The following PKD1L1 variants were observed in gnomAD, a reference collection of about 807,000 sequenced individuals.
PKD1L1 encodes the protein polycystin 1 like 1, transient receptor potential channel interacting.
Under a neutral mutation model 323.4 loss-of-function variants are expected in PKD1L1, and 236 were observed. The ratio of observed to expected loss-of-function variants is 0.73; its 90% CI spans 0.66 to 0.81. The LOEUF (loss-of-function observed/expected upper bound fraction) is 0.81. Ranked by LOEUF, PKD1L1 falls within the 40% of genes least tolerant of loss-of-function variation. PKD1L1 has a pLI of 0.00. For synonymous variants in PKD1L1, 1,344 were observed against 1,335.0 expected (o/e 1.01, Z -0.15); for missense variants, 3,320 against 3,508.0 (o/e 0.95, Z 1.35).
Position 47,946,769 on chromosome 7 carries a change from T to C in PKD1L1, c.44+1628A>G, listed in dbSNP as rs1788105842. ...TTTCTATGAACAAGATCAGTCACTGTCTTGCTTTAGGTGACTCAGGAAACC... is the reference window on the plus strand; with the variant it reads ...TTTCTATGAACAAGATCAGTCACTGCCTTGCTTTAGGTGACTCAGGAAACC... On this transcript the variant is annotated intron_variant, in intron 1 of 56. Transcript: ENST00000289672. The surrounding 1 kb of genome is among the most constrained non-coding windows in gnomAD (Gnocchi z 4.1). Among the ~76,000 whole-genome samples, 1 of 152,188 alleles carries C rather than the reference T, an allele frequency of 6.6e-6. No individual in the cohort carries two copies. Among genetic ancestry groups the C allele is most frequent in the South Asian group, 2.1e-4 (1 of 4,828 alleles).
At chr7:47,948,557 T>C (rs1461006420), upstream of PKD1L1, 1 of 955,528 alleles carries the variant, frequency 1.0e-6, no homozygotes, top group Non-Finnish European at 1.6e-6. Flanking sequence ...TGACCTCTTA[T>C]CAGGACACAC....
chr7:47,943,162 A>AC (rs1788027891), intron 2 of PKD1L1, among the ~76,000 whole-genome samples: 1 of 22,632 alleles, frequency 4.4e-5, no homozygotes, highest in Admixed American at 5.3e-4. Context: ...AAAAAAAAAA[A>AC]AATATATATA....
upstream of PKD1L1, among the ~76,000 whole-genome samples, chr7:47,949,689 A>G (rs1237217147): frequency 1.3e-5 from 2 of 152,226 alleles, no homozygotes; most frequent in Non-Finnish European, 2.9e-5. Flanking sequence ...TGTTTTACTC[A>G]GAACACTAGA....
intron 14 of PKD1L1, among the ~76,000 whole-genome samples, chr7:47,896,456 G>A (rs974166006): frequency 6.6e-6 from 1 of 151,584 alleles, no homozygotes; most frequent in Admixed American, 6.6e-5. Context: ...AGGCATATCT[G>A]ACCTTGAGTC....
Position 47,878,044 on chromosome 7 carries a change from C to A in PKD1L1, c.3521-413G>T, listed in dbSNP as rs565397734. On this transcript the variant is annotated intron_variant, in intron 21 of 56. Coordinates refer to ENST00000289672, the MANE Select transcript of PKD1L1 (RefSeq NM_138295.5). ...TGAGGGAGAGATGATGCTAACAGACCCATTACCCAGCAGAGCAAACTTTCT... is the reference window on the plus strand; with the variant it reads ...TGAGGGAGAGATGATGCTAACAGACACATTACCCAGCAGAGCAAACTTTCT... Among the ~76,000 whole-genome samples, 16 of 152,030 alleles carry A rather than the reference C, an allele frequency of 1.1e-4. 1 individual carries two copies. Among genetic ancestry groups the A allele is most frequent in the East Asian group, 1.9e-4 (1 of 5,152 alleles).
At chr7:47,902,982 T>C (rs575848323) in intron 12 of PKD1L1, among the ~76,000 whole-genome samples, 85 of 152,162 alleles carry the variant, frequency 5.6e-4, no homozygotes, top group Non-Finnish European at 1.1e-3. Context: ...TTTCTTAGAG[T>C]CCTACAAACT....
rs1786790901 is a variant in PKD1L1, at chr7:47,890,598, G to A, written c.2619C>T (p.Gly873=). 6.2e-7 allele frequency: 1 copy of A among 1,614,044 alleles called. No individual in the cohort carries two copies. Among genetic ancestry groups the A allele is most frequent in the Non-Finnish European group, 8.5e-7 (1 of 1,180,042 alleles). The change falls in exon 16 of 57, where the codon GGC becomes GGT. Residue 873 remains glycine, a synonymous_variant. Coordinates refer to ENST00000289672, the MANE Select transcript of PKD1L1 (RefSeq NM_138295.5). ...FLVMLRVSSG[G]RNSSETRVFL... ...ACACCCGGGTCTCAGAAGAGTTCCG[G>A]CCACCACTGGAGACCCTCAGCATCA... is the stretch of plus-strand genomic sequence containing the variant.
chr7:47,878,544 A>G (rs1468105219), intron 21 of PKD1L1, among the ~76,000 whole-genome samples: 2 of 152,350 alleles, frequency 1.3e-5, no homozygotes, highest in Admixed American at 1.3e-4. Context: ...CTTATTTAAC[A>G]GTCACATTAA....
chr7:47,864,616 C>CTTTCTTTCT (rs1554404328), intron 26 of PKD1L1, among the ~76,000 whole-genome samples: 18 of 139,942 alleles, frequency 1.3e-4, no homozygotes, highest in Non-Finnish European at 1.9e-4. Flanking sequence ...TTCTTTCTTT[C>CTTTCTTTCT]TTTCTTTCTT....
chr7:47,799,886 G>A (rs1784623019), intron 54 of PKD1L1, among the ~76,000 whole-genome samples: 1 of 152,192 alleles, frequency 6.6e-6, no homozygotes, highest in South Asian at 2.1e-4. Flanking sequence ...GGGTCTGGCT[G>A]GGCAGAGCAG....
chr7:47,825,696 T>G (rs1460851802), intron 45 of PKD1L1, among the ~76,000 whole-genome samples: 2 of 152,182 alleles, frequency 1.3e-5, no homozygotes, highest in East Asian at 3.9e-4. Context: ...TTTTTGTGTC[T>G]GGATTTTAAG....
chr7:47,882,282 T>TTCCCTCCCTCCCTCCC, intron 19 of PKD1L1, among the ~76,000 whole-genome samples, 197 bp from the exon 20 acceptor site: 1 of 146,408 alleles, frequency 6.8e-6, no homozygotes, highest in East Asian at 2.0e-4. Flanking sequence ...CAAAGGCATC[T>TTCCCTCCCTCCCTCCC]TCCCTCCCTC....
chr7:47,776,999 C>T (rs1786582888), intron 56 of PKD1L1, among the ~76,000 whole-genome samples: 1 of 152,160 alleles, frequency 6.6e-6, no homozygotes, highest in African/African-American at 2.4e-5. Context: ...TCAATCAATT[C>T]TCCCGCCTCA....
chr7:47,952,723 T>C (rs1255680076), upstream of PKD1L1, among the ~76,000 whole-genome samples: 1 of 152,188 alleles, frequency 6.6e-6, no homozygotes, highest in Non-Finnish European at 1.5e-5. Context: ...CATGATTTTG[T>C]GAAAAATAGC....
At chr7:47,879,072 G>A (rs553100609) in intron 21 of PKD1L1, among the ~76,000 whole-genome samples, 40 of 152,346 alleles carry the variant, frequency 2.6e-4, no homozygotes, top group Admixed American at 4.6e-4. Context: ...AACGCTGCCC[G>A]TCTTGTATCC....
Position 47,835,261 on chromosome 7 carries a change from C to A in PKD1L1, c.5944-18G>T. On this transcript the variant is annotated intron_variant, in intron 37 of 56. Transcript: ENST00000289672. ...AAGTGGGGCTGCAACAAAGCAACAG[C>A]AGCCATTACATCAACTCAATATGAG... 6.6e-7 allele frequency: 1 copy of A among 1,519,154 alleles called. No individual in the cohort carries two copies. The highest frequency in any genetic ancestry group is 2.1e-5 in the Admixed American group (1 of 47,546). 94.1% of individuals were successfully genotyped at this position (1,519,154 alleles called of 1,614,324 possible).
rs138471503 is a variant in PKD1L1, at chr7:47,792,012, C to T, written c.8526+615G>A. Reference sequence around the variant, plus strand: ...AACCACCAATAGTTCCTCCCCTAGGCAGCCACATCAACAAACAGCTTCCTA... The same window carrying T: ...AACCACCAATAGTTCCTCCCCTAGGTAGCCACATCAACAAACAGCTTCCTA... On this transcript the variant is annotated intron_variant, in intron 56 of 56. Coordinates refer to ENST00000289672, the MANE Select transcript of PKD1L1 (RefSeq NM_138295.5). 1.8e-3 allele frequency among the ~76,000 whole-genome samples: 268 copies of T among 152,328 alleles called. 5 individuals are homozygous for T. Among genetic ancestry groups the T allele is most frequent in the African/African-American group, 6.3e-3 (263 of 41,562 alleles).
At chr7:47,909,550 G>A (rs1787275718) in intron 8 of PKD1L1, among the ~76,000 whole-genome samples, 1 of 152,130 alleles carries the variant, frequency 6.6e-6, no homozygotes, top group African/African-American at 2.4e-5. Flanking sequence ...CGTGGGCCAG[G>A]TTTCCCTCTC....
intron 2 of PKD1L1, among the ~76,000 whole-genome samples, chr7:47,943,158 A>C (rs1239460359): frequency 1.5e-5 from 1 of 65,324 alleles, no homozygotes; most frequent in East Asian, 5.6e-4. Context: ...AAAAAAAAAA[A>C]AAAAAATATA....
Sources: allele counts gnomAD v4.1 joint callset (sites outside exome capture counted in the v4.1 genomes callset), GRCh38; gene constraint gnomAD v4.1.1; non-coding constraint Gnocchi (gnomAD v3.1); transcripts MANE v1.5; gene names NCBI Gene and HGNC (gene_info 2026-07-23, HGNC 2026-07-21).